The following METTL24 variants were observed in gnomAD, a reference collection of about 807,000 sequenced individuals.
The protein encoded by METTL24 is methyltransferase like 24.
Under a neutral mutation model 32.7 loss-of-function variants are expected in METTL24, and 29 were observed. The ratio of observed to expected loss-of-function variants is 0.89; its 90% CI spans 0.66 to 1.21. The LOEUF (loss-of-function observed/expected upper bound fraction) is 1.21. Among genes scored for constraint, METTL24 ranks in the 50% most tolerant of loss-of-function variants. The probability of loss-of-function intolerance (pLI) is 0.00; values close to 1 mark genes in which losing one functional copy is unlikely to be tolerated. For synonymous variants in METTL24, 163 were observed against 179.5 expected (o/e 0.91, Z 0.73); for missense variants, 439 against 468.1 (o/e 0.94, Z 0.57).
intron 1 of METTL24, among the ~76,000 whole-genome samples, chr6:110,331,824 C>A (rs1390561437): frequency 6.6e-6 from 1 of 152,118 alleles, no homozygotes; most frequent in Non-Finnish European, 1.5e-5. Flanking sequence ...ATATTAAAGA[C>A]AACAACAATA....
intron 4 of METTL24, among the ~76,000 whole-genome samples, chr6:110,287,207 A>C (rs1199779886): frequency 6.6e-6 from 1 of 152,226 alleles, no homozygotes; most frequent in Admixed American, 6.5e-5. Flanking sequence ...TTTATGGATG[A>C]ATTTTGGCAA....
At chr6:110,299,273 C>A in intron 3 of METTL24, 123 bp from the exon 4 acceptor site, 1 of 775,840 alleles carries the variant, frequency 1.3e-6, no homozygotes, top group South Asian at 1.7e-5. Flanking sequence ...TGTTTTAACC[C>A]ATGGCTAATG....
intron 4 of METTL24, among the ~76,000 whole-genome samples, chr6:110,289,233 G>A (rs1226947013): frequency 2.0e-5 from 3 of 152,182 alleles, no homozygotes; most frequent in African/African-American, 7.2e-5. Flanking sequence ...GAAGTCAAAG[G>A]CTAAGAGAAA....
chr6:110,253,596 T>C (rs1456659540), intron 4 of METTL24, among the ~76,000 whole-genome samples: 1 of 152,180 alleles, frequency 6.6e-6, no homozygotes, highest in Non-Finnish European at 1.5e-5. Flanking sequence ...TGGTCATTAT[T>C]TAAAAATTAA....
chr6:110,335,073 A>T (rs770886939), intron 1 of METTL24, among the ~76,000 whole-genome samples: 12 of 152,224 alleles, frequency 7.9e-5, no homozygotes, highest in Non-Finnish European at 1.6e-4. Context: ...TCTGGAACCA[A>T]AAGTATTTCA....
chr6:110,325,282 T>A (rs543544541), intron 1 of METTL24, among the ~76,000 whole-genome samples: 4 of 152,344 alleles, frequency 2.6e-5, no homozygotes, highest in African/African-American at 9.6e-5. Flanking sequence ...ATCTTTTCTA[T>A]AATGGGTCAA....
chr6:110,304,670 T>G (rs1235747832), intron 3 of METTL24, among the ~76,000 whole-genome samples: 1 of 152,092 alleles, frequency 6.6e-6, no homozygotes, highest in Non-Finnish European at 1.5e-5. Context: ...TGGGACTATG[T>G]GAAAAGACCA....
intron 4 of METTL24, among the ~76,000 whole-genome samples, chr6:110,257,205 A>G (rs1394821992): frequency 6.6e-6 from 1 of 151,584 alleles, no homozygotes; most frequent in Admixed American, 6.6e-5. Flanking sequence ...TTCTAGTTAA[A>G]TGAGATCAAC....
intron 4 of METTL24, 108 bp from the exon 5 acceptor site, chr6:110,246,368 A>G: frequency 1.0e-6 from 1 of 1,003,278 alleles, no homozygotes; most frequent in Non-Finnish European, 1.4e-6. Context: ...TTAAAATTTT[A>G]GAGCTGAGGG....
At chr6:110,251,694 T>C (rs995218224) in intron 4 of METTL24, among the ~76,000 whole-genome samples, 1 of 152,156 alleles carries the variant, frequency 6.6e-6, no homozygotes, top group African/African-American at 2.4e-5. Context: ...TCTTCAGAGA[T>C]AGCATCACCT....
At chr6:110,290,447 G>T (rs528098974) in intron 4 of METTL24, among the ~76,000 whole-genome samples, 2 of 152,190 alleles carry the variant, frequency 1.3e-5, no homozygotes, top group South Asian at 4.1e-4. Context: ...GTGGTTTTTT[G>T]AATCTGGCTT....
At chr6:110,268,380 T>C (rs7766757) in intron 4 of METTL24, among the ~76,000 whole-genome samples, 33,818 of 152,084 alleles carry the variant, frequency 0.22, 5,544 homozygotes, top group African/African-American at 0.47. Flanking sequence ...TTAACACCCC[T>C]ATAATATTGA....
intron 2 of METTL24, among the ~76,000 whole-genome samples, chr6:110,315,910 TCA>T (rs1771811721): frequency 6.6e-6 from 1 of 152,142 alleles, no homozygotes; most frequent in African/African-American, 2.4e-5. Context: ...TCTTCGTTAC[TCA>T]CAGAGTCCCT....
intron 1 of METTL24, among the ~76,000 whole-genome samples, chr6:110,335,510 AC>A (rs1256847586): frequency 6.6e-6 from 1 of 151,692 alleles, no homozygotes; most frequent in Admixed American, 6.6e-5. Context: ...AATACAAAAG[AC>A]ACAAACAATT....
chr6:110,260,921 G>A (rs1770708996), intron 4 of METTL24, among the ~76,000 whole-genome samples: 1 of 152,176 alleles, frequency 6.6e-6, no homozygotes, highest in African/African-American at 2.4e-5. Context: ...AATGCTGAGA[G>A]ATTTTGTCAC....
chr6:110,348,848 C>T (rs1725473148), intron 1 of METTL24, among the ~76,000 whole-genome samples: 1 of 152,186 alleles, frequency 6.6e-6, no homozygotes, highest in African/African-American at 2.4e-5. Flanking sequence ...GACCATCATC[C>T]CACCTCTGCT....
rs373399372 is a variant in METTL24, at chr6:110,351,304, C to T, written c.318+6651G>A. Among the ~76,000 whole-genome samples, 24 of 152,200 alleles carry T rather than the reference C, an allele frequency of 1.6e-4. No homozygotes were observed. The South Asian group carries it at 5.0e-3, about 32-fold the overall frequency. On this transcript the variant is annotated intron_variant, in intron 1 of 4. Transcript: ENST00000338882. ...CCTAGATCTTGTAGGCGTATATTCA[C>T]TAAATTAAAAATGTCAGTAGTATAT...
At chr6:110,323,888 AG>A (rs1771974279) in intron 1 of METTL24, among the ~76,000 whole-genome samples, 1 of 152,060 alleles carries the variant, frequency 6.6e-6, no homozygotes, top group Admixed American at 6.6e-5. Flanking sequence ...GTGAGGAAGT[AG>A]GCAGGGGAGG....
At chr6:110,267,569 C>T (rs1770879535) in intron 4 of METTL24, among the ~76,000 whole-genome samples, 1 of 152,212 alleles carries the variant, frequency 6.6e-6, no homozygotes, top group Non-Finnish European at 1.5e-5. Context: ...TTTGGATGCA[C>T]CATTCCACAG....
Sources: allele counts gnomAD v4.1 joint callset (sites outside exome capture counted in the v4.1 genomes callset), GRCh38; gene constraint gnomAD v4.1.1; transcripts MANE v1.5; gene names NCBI Gene and HGNC (gene_info 2026-07-23, HGNC 2026-07-21).